ATG10: variants seen among roughly 807,000 people sequenced by gnomAD.
The protein encoded by ATG10 is autophagy related 10, also known as ubiquitin-like-conjugating enzyme ATG10.
A neutral mutation model predicts 32.1 loss-of-function variants in ATG10; 30 were observed. That is an observed-to-expected ratio of 0.94 (90% CI 0.70 to 1.27). The LOEUF is 1.27. Among genes scored for constraint, ATG10 ranks in the 50% most tolerant of loss-of-function variants. ATG10 has a pLI of 0.00. For missense variants in ATG10, 233 were observed against 262.3 expected (o/e 0.89, Z 0.77); for synonymous variants, 87 against 91.5 (o/e 0.95, Z 0.28).
chr5:82,027,092 A>G (rs1006723945), intron 2 of ATG10, among the ~76,000 whole-genome samples: 2 of 151,242 alleles, frequency 1.3e-5, no homozygotes, highest in African/African-American at 4.9e-5. Context: ...ATAAATAAAT[A>G]AATAAATAAA....
intron 5 of ATG10, chr5:82,242,780 C>G: frequency 2.3e-6 from 1 of 428,212 alleles, no homozygotes; most frequent in Middle Eastern, 3.4e-4. Flanking sequence ...CAGGATTGGA[C>G]AATTTACTAC....
intron 1 of ATG10, among the ~76,000 whole-genome samples, chr5:81,978,169 A>T (rs1173524831): frequency 6.6e-6 from 1 of 151,990 alleles, no homozygotes; most frequent in Non-Finnish European, 1.5e-5. Context: ...TCCCAGGTTC[A>T]TGCAATTCTC....
At chr5:82,232,244 G>GA (rs1361437523) in intron 5 of ATG10, among the ~76,000 whole-genome samples, 1 of 152,026 alleles carries the variant, frequency 6.6e-6, no homozygotes, top group Non-Finnish European at 1.5e-5. Flanking sequence ...TGTAATGGAA[G>GA]AAAAAAAGTA....
chr5:82,042,662 T>C (rs1763121642), intron 2 of ATG10, among the ~76,000 whole-genome samples: 1 of 152,106 alleles, frequency 6.6e-6, no homozygotes, highest in African/African-American at 2.4e-5. Context: ...GGGTAAATGC[T>C]CCCATTCTAA....
chr5:82,142,322 A>G (rs1767184716), intron 3 of ATG10, among the ~76,000 whole-genome samples: 1 of 152,162 alleles, frequency 6.6e-6, no homozygotes, highest in South Asian at 2.1e-4. Flanking sequence ...GCAGTGTCCA[A>G]GTTTCCTAAA....
At chr5:82,067,817 G>A (rs755459015) in intron 3 of ATG10, among the ~76,000 whole-genome samples, 66 of 152,272 alleles carry the variant, frequency 4.3e-4, no homozygotes, top group Non-Finnish European at 3.7e-4. Context: ...ACGTGCCACA[G>A]CCATTGTATT....
intron 3 of ATG10, among the ~76,000 whole-genome samples, chr5:82,150,405 A>G (rs1767545343): frequency 6.6e-6 from 1 of 152,212 alleles, no homozygotes; most frequent in South Asian, 2.1e-4. Context: ...TTCCCATGCA[A>G]ATAATTCTTT....
At chr5:82,046,017 T>A (rs1341992972) in intron 2 of ATG10, among the ~76,000 whole-genome samples, 1 of 152,172 alleles carries the variant, frequency 6.6e-6, no homozygotes, top group Non-Finnish European at 1.5e-5. Flanking sequence ...TAAAGCCCTT[T>A]TGGCTTCCAG....
chr5:82,118,377 A>ATGTACATATATAT (rs375822722), intron 3 of ATG10, among the ~76,000 whole-genome samples: 1 of 31,420 alleles, frequency 3.2e-5, no homozygotes, highest in Non-Finnish European at 5.8e-5. Flanking sequence ...ATATACATAT[A>ATGTACATATATAT]ATATATGTAC....
chr5:82,170,100 A>C (rs577996770), intron 4 of ATG10, among the ~76,000 whole-genome samples: 1 of 152,376 alleles, frequency 6.6e-6, no homozygotes, highest in East Asian at 1.9e-4. Context: ...CCACATATAC[A>C]AAAGGCAAGA....
At chr5:81,996,904 A>C (rs1356620199) in intron 2 of ATG10, among the ~76,000 whole-genome samples, 2 of 152,244 alleles carry the variant, frequency 1.3e-5, no homozygotes, top group African/African-American at 2.4e-5. Context: ...AGTACTTAGC[A>C]GAGTACCTGA....
At chr5:82,249,554 G>A (rs950822769) in intron 5 of ATG10, among the ~76,000 whole-genome samples, 5 of 152,038 alleles carry the variant, frequency 3.3e-5, no homozygotes, top group African/African-American at 1.2e-4. Flanking sequence ...GTACTTCTGT[G>A]GTATTATCTC....
intron 4 of ATG10, among the ~76,000 whole-genome samples, chr5:82,169,129 G>A (rs1049917487): frequency 2.0e-5 from 3 of 152,018 alleles, no homozygotes; most frequent in Non-Finnish European, 4.4e-5. Context: ...GATGACTTAC[G>A]GAAGAAATAG....
At chr5:82,009,465 A>G in intron 2 of ATG10, 1 of 672,528 alleles carries the variant, frequency 1.5e-6, no homozygotes. Context: ...AACAAGGAAA[A>G]CATGGAACCC....
intron 3 of ATG10, among the ~76,000 whole-genome samples, chr5:82,104,421 C>A (rs937908318): frequency 2.0e-5 from 3 of 151,822 alleles, no homozygotes; most frequent in African/African-American, 7.3e-5. Context: ...GTTTTTAGGT[C>A]ATGCTAAAAT....
intron 5 of ATG10, among the ~76,000 whole-genome samples, chr5:82,218,415 T>C (rs1042208179): frequency 8.5e-5 from 13 of 152,212 alleles, no homozygotes; most frequent in Non-Finnish European, 1.9e-4. Context: ...TTTTTGTTGG[T>C]ACAGAATGAT....
chr5:82,140,087 G>A (rs866197070), intron 3 of ATG10, among the ~76,000 whole-genome samples: 1,373 of 134,182 alleles, frequency 0.01, no homozygotes, highest in Non-Finnish European at 0.014. Flanking sequence ...CCCTCCACCC[G>A]GCCAGCCGCC....
intron 5 of ATG10, among the ~76,000 whole-genome samples, chr5:82,188,499 G>A (rs1359415735): frequency 1.3e-5 from 2 of 152,030 alleles, no homozygotes; most frequent in Non-Finnish European, 2.9e-5. Flanking sequence ...ATCTTAGCAC[G>A]TTTCATTTTG....
At chr5:82,130,423 C>T (rs1276699991) in intron 3 of ATG10, among the ~76,000 whole-genome samples, 1 of 152,118 alleles carries the variant, frequency 6.6e-6, no homozygotes. Flanking sequence ...AGCTCAGTGT[C>T]TGCCCAAATG....
Sources: gnomAD v4.1 joint callset for allele counts (sites outside exome capture counted in the v4.1 genomes callset) on GRCh38, gnomAD v4.1.1 for gene constraint, MANE v1.5 for transcripts, NCBI Gene and HGNC (gene_info 2026-07-23, HGNC 2026-07-21) for gene names.